The following GRID2 variants were observed in gnomAD, a reference collection of about 807,000 sequenced individuals.
GRID2 encodes the protein glutamate receptor ionotropic, delta-2.
GRID2 carries 33 observed loss-of-function variants against 114.8 expected under a neutral mutation model. That is an observed-to-expected ratio of 0.29 (90% CI 0.22 to 0.38). The LOEUF (loss-of-function observed/expected upper bound fraction) is 0.38, where lower values mean the gene tolerates loss of function less well. Ranked by LOEUF, GRID2 falls within the 10% of genes least tolerant of loss-of-function variation. GRID2 has a pLI of 1.00. For synonymous variants in GRID2, 505 were observed against 449.9 expected (o/e 1.12, Z -1.55); for missense variants, 1,184 against 1,257.7 (o/e 0.94, Z 0.89).
chr4:92,575,537 T>A (rs1727846244), intron 1 of GRID2, among the ~76,000 whole-genome samples: 1 of 152,174 alleles, frequency 6.6e-6, no homozygotes, highest in Admixed American at 6.5e-5. Flanking sequence ...TTTATTTGTT[T>A]TAGCCTTGCT....
intron 14 of GRID2, among the ~76,000 whole-genome samples, chr4:93,670,190 G>T (rs546866491): frequency 6.6e-6 from 1 of 152,082 alleles, no homozygotes; most frequent in South Asian, 2.1e-4. Context: ...TTATTGGAAC[G>T]AATGATAATA....
At chr4:92,877,077 A>T (rs921427352) in intron 2 of GRID2, among the ~76,000 whole-genome samples, 3 of 152,180 alleles carry the variant, frequency 2.0e-5, no homozygotes, top group Non-Finnish European at 2.9e-5. Flanking sequence ...AACAAAACAA[A>T]TTTTTTTAAA....
At chr4:92,581,705 T>C (rs1158994928) in intron 1 of GRID2, among the ~76,000 whole-genome samples, 2 of 152,092 alleles carry the variant, frequency 1.3e-5, no homozygotes, top group African/African-American at 2.4e-5. Context: ...AAATTTCTCT[T>C]CTTGGTCTAT....
chr4:93,093,652 C>T (rs1730963258), intron 3 of GRID2, among the ~76,000 whole-genome samples: 1 of 152,002 alleles, frequency 6.6e-6, no homozygotes, highest in African/African-American at 2.4e-5. Flanking sequence ...GAAACCCCCA[C>T]CAAATAGTTG....
At chr4:93,710,079 AGT>A (rs1214996830) in intron 14 of GRID2, among the ~76,000 whole-genome samples, 2 of 152,202 alleles carry the variant, frequency 1.3e-5, no homozygotes, top group East Asian at 3.9e-4. Context: ...GGTGCCTTTT[AGT>A]CTGTTTGGTG....
Position 93,363,109 on chromosome 4 carries a change from A to T in GRID2, c.1246-32498A>T, listed in dbSNP as rs183115060. Among the ~76,000 whole-genome samples the T allele has an allele frequency of 3.3e-5, 5 of 152,240 alleles. No homozygotes were observed. The East Asian group carries it at 9.7e-4, about 29-fold the overall frequency. On this transcript the variant is annotated intron_variant, in intron 8 of 15. Coordinates refer to ENST00000282020, the MANE Select transcript of GRID2 (RefSeq NM_001510.4). The stretch of plus-strand genomic sequence containing the variant: ...GTGGTGCATGTCTGTAATCTCAGGT[A>T]CTCAGGAGGCTGAGGCAGAAGAATC...
At chr4:92,474,977 G>A (rs1579429620) in intron 1 of GRID2, among the ~76,000 whole-genome samples, 1 of 87,428 alleles carries the variant, frequency 1.1e-5, no homozygotes, top group Admixed American at 1.3e-4. Context: ...TGGGGGGGGG[G>A]TGGAGGGGGG....
intron 2 of GRID2, among the ~76,000 whole-genome samples, chr4:92,924,100 G>T (rs1003641122): frequency 6.6e-6 from 1 of 152,094 alleles, no homozygotes; most frequent in Non-Finnish European, 1.5e-5. Context: ...TCCTTTGTAG[G>T]GACATGGATG....
intron 2 of GRID2, among the ~76,000 whole-genome samples, chr4:93,015,567 T>C (rs1244341003): frequency 1.3e-5 from 2 of 152,162 alleles, no homozygotes; most frequent in East Asian, 3.9e-4. Flanking sequence ...ACATAGGAAA[T>C]GAAAATCATG....
intron 1 of GRID2, among the ~76,000 whole-genome samples, chr4:92,392,003 T>A (rs1449435305): frequency 6.6e-6 from 1 of 152,230 alleles, no homozygotes; most frequent in Admixed American, 6.5e-5. Flanking sequence ...CTTCCTTCTG[T>A]TTTTGAAAAA....
At chr4:92,331,468 C>T (rs917681250) in intron 1 of GRID2, among the ~76,000 whole-genome samples, 18 of 152,220 alleles carry the variant, frequency 1.2e-4, no homozygotes, top group African/African-American at 3.1e-4. Flanking sequence ...TGAGGAATGG[C>T]GCTTTGCTTT....
intron 4 of GRID2, among the ~76,000 whole-genome samples, chr4:93,155,448 T>G (rs1328937037): frequency 6.6e-6 from 1 of 151,968 alleles, no homozygotes; most frequent in Non-Finnish European, 1.5e-5. Context: ...GACTCCTATT[T>G]TCCCCTGGAA....
At chr4:92,674,034 A>G (rs575100131) in intron 2 of GRID2, among the ~76,000 whole-genome samples, 12 of 152,266 alleles carry the variant, frequency 7.9e-5, no homozygotes, top group African/African-American at 2.9e-4. Flanking sequence ...TTTCTTCTGT[A>G]TATAATACAC....
intron 4 of GRID2, among the ~76,000 whole-genome samples, chr4:93,201,148 GA>G (rs1342068037): frequency 9.2e-5 from 14 of 152,122 alleles, no homozygotes; most frequent in Admixed American, 9.2e-4. Flanking sequence ...ATCAATCAGT[GA>G]AATAGTATAT....
intron 8 of GRID2, among the ~76,000 whole-genome samples, chr4:93,300,271 A>G (rs889310753): frequency 3.9e-5 from 6 of 152,050 alleles, no homozygotes; most frequent in Admixed American, 6.6e-5. Context: ...GCACATATAT[A>G]TTTGAAATCT....
At chr4:92,576,601 G>T (rs1727908377) in intron 1 of GRID2, among the ~76,000 whole-genome samples, 1 of 152,154 alleles carries the variant, frequency 6.6e-6, no homozygotes, top group African/African-American at 2.4e-5. Context: ...AGTATGTAAA[G>T]CTCCTGGATC....
intron 1 of GRID2, among the ~76,000 whole-genome samples, chr4:92,392,112 A>G (rs1215051224): frequency 6.6e-6 from 1 of 152,184 alleles, no homozygotes; most frequent in Non-Finnish European, 1.5e-5. Context: ...TTGACCTAGG[A>G]TGCACTTCAA....
At chr4:92,955,458 G>T (rs1056935853) in intron 2 of GRID2, among the ~76,000 whole-genome samples, 1 of 151,984 alleles carries the variant, frequency 6.6e-6, no homozygotes. Flanking sequence ...CTTTTTGATG[G>T]CGTTGTTTGT....
intron 2 of GRID2, among the ~76,000 whole-genome samples, chr4:93,006,014 C>T (rs952073033): frequency 5.9e-5 from 9 of 152,112 alleles, no homozygotes; most frequent in African/African-American, 1.7e-4. Context: ...TTGGATTTCT[C>T]CTAAATCAAA....
Sources: gnomAD v4.1 joint callset for allele counts (sites outside exome capture counted in the v4.1 genomes callset) on GRCh38, gnomAD v4.1.1 for gene constraint, MANE v1.5 for transcripts, NCBI Gene and HGNC (gene_info 2026-07-23, HGNC 2026-07-21) for gene names.